Variants in SMC2 observed in about 807,000 individuals in gnomAD.
The protein encoded by SMC2 is structural maintenance of chromosomes 2.
Under a neutral mutation model 142.6 loss-of-function variants are expected in SMC2, and 41 were observed. The observed-to-expected ratio is 0.29, with a 90% CI of 0.22 to 0.37. SMC2 has a LOEUF of 0.37. Ranked by LOEUF, SMC2 falls within the 10% of genes least tolerant of loss-of-function variation. The probability of loss-of-function intolerance (pLI) is 1.00; values close to 1 mark genes in which losing one functional copy is unlikely to be tolerated. For synonymous variants in SMC2, 463 were observed against 457.5 expected, an observed-to-expected ratio of 1.01 and a Z score of -0.15; for missense variants, 1,265 against 1,373.7, an observed-to-expected ratio of 0.92 and a Z score of 1.25.
chr9:104,133,304 C>A (rs1378526486), intron 22 of SMC2, among the ~76,000 whole-genome samples: 1 of 152,118 alleles, frequency 6.6e-6, no homozygotes, highest in East Asian at 1.9e-4. Context: ...AGTTTAGTAG[C>A]ATTCCTCTCT....
At position 104,113,495 on chromosome 9, in the gene SMC2, A is replaced by G; in HGVS notation, c.1414+20A>G. ...ATGAAGGTTTGCCTTTAAAAACATG[A>G]TAATCAGATCATGAGGAGGTAGTGA... On this transcript the variant is annotated intron_variant, in intron 11 of 24. Coordinates refer to ENST00000374793, the MANE Select transcript of SMC2 (RefSeq NM_006444.3). The G allele has an allele frequency of 1.3e-6, 2 of 1,575,432 alleles. No homozygotes were observed. Among genetic ancestry groups the G allele is most frequent in the South Asian group, 2.4e-5 (2 of 83,816 alleles).
Position 104,114,681 on chromosome 9 carries a change from T to C in SMC2, c.1533-10T>C. 1 of 1,605,558 alleles carries C rather than the reference T, an allele frequency of 6.2e-7. No homozygotes were observed. The highest frequency in any genetic ancestry group is 1.3e-5 in the African/African-American group (1 of 74,202). ...TCTAAGATTAATTTTTGTCAACTTT[T>C]GTATTTCAGGGATCCAGAGAAGAAC... On this transcript the variant is annotated splice_polypyrimidine_tract_variant and intron_variant, in intron 12 of 24. Transcript: ENST00000374793.
Position 104,138,042 on chromosome 9 carries a change from A to G in SMC2, c.3294A>G (p.Ile1098Met). The G allele has an allele frequency of 6.2e-7, 1 of 1,602,750 alleles. No homozygotes were observed. Among genetic ancestry groups the G allele is most frequent in the Non-Finnish European group, 8.5e-7 (1 of 1,173,012 alleles). ...GGTCTTTAGTGGCCTTGTCATTAAT[A>G]CTGTCCATGCTTCTCTTCAAACCTG... ...GQRSLVALSL[I>M]LSMLLFKPAP... Residue 1098 changes from isoleucine to methionine, a missense_variant, in exon 24 of 25, where the codon ATA becomes ATG. Coordinates refer to ENST00000374793, the MANE Select transcript of SMC2 (RefSeq NM_006444.3).
intron 23 of SMC2, among the ~76,000 whole-genome samples, chr9:104,136,646 G>A (rs1263830666): frequency 6.6e-6 from 1 of 151,498 alleles, no homozygotes; most frequent in Non-Finnish European, 1.5e-5. Flanking sequence ...ACTCATCACA[G>A]AGAAAGACAA....
rs761107909 is a variant in SMC2, at chr9:104,102,442, C to T, written c.889C>T (p.Arg297Ter). ...GTTATAGGAAACTGGAGGTATACTT[C>T]GATCTTTAGAAGATGCTCTTGCAGA... ...RKDKETGGIL[R>*]SLEDALAEAQ... The change falls in exon 9 of 25, where the codon CGA (arginine) becomes TGA (stop). Residue 297 changes from arginine (R) to a stop codon, truncating the protein, a stop_gained. Transcript: ENST00000374793. LOFTEE classifies it high-confidence loss of function. 4 of 1,608,144 alleles carry T rather than the reference C, an allele frequency of 2.5e-6. No homozygotes were observed. Among genetic ancestry groups the T allele is most frequent in the Admixed American group, 1.7e-5 (1 of 58,600 alleles).
the SMC2 span, among the ~76,000 whole-genome samples, chr9:104,089,030 T>G: frequency 6.6e-6 from 1 of 151,226 alleles, no homozygotes; most frequent in African/African-American, 2.4e-5. Context: ...AGCAGATGAA[T>G]CTGAGAAAGT....
chr9:104,101,814 TAA>T (rs1300743863), intron 7 of SMC2, 144 bp from the exon 8 acceptor site: 6 of 557,514 alleles, frequency 1.1e-5, no homozygotes, highest in Non-Finnish European at 1.9e-5. Context: ...TGATGTTACG[TAA>T]AGTTTCCTAC....
At position 104,134,533 on chromosome 9, in the gene SMC2, A is replaced by G. The variant is rs1407668934; in HGVS notation, c.3227A>G (p.Asn1076Ser). 13 of 1,611,084 alleles carry G rather than the reference A, an allele frequency of 8.1e-6. No homozygotes were observed. Among genetic ancestry groups the G allele is most frequent in the Middle Eastern group, 1.6e-4 (1 of 6,064 alleles). Residue 1076 changes from asparagine (N) to serine (S), a missense_variant, in exon 23 of 25, where the codon AAT becomes AGT. Transcript: ENST00000374793. ...CTGGAGTTCAAGGTTGCCTTGGGAA[A>G]TACCTGGAAAGAAAACCTAACTGAA... Reference protein sequence around the residue: ...DGLEFKVALGNTWKENLTELS... With the variant: ...DGLEFKVALGSTWKENLTELS...
intron 9 of SMC2, among the ~76,000 whole-genome samples, chr9:104,105,379 A>T (rs985318078): frequency 1.3e-5 from 2 of 151,930 alleles, no homozygotes; most frequent in Non-Finnish European, 2.9e-5. Flanking sequence ...GGTCACTCCT[A>T]CGCTGCCCAT....
chr9:104,135,716 A>G (rs1036627739), intron 23 of SMC2, among the ~76,000 whole-genome samples: 3 of 152,238 alleles, frequency 2.0e-5, no homozygotes, highest in African/African-American at 7.2e-5. Flanking sequence ...GTGCTAGTGA[A>G]CAAAAATAAA....
Position 104,116,320 on chromosome 9 carries a change from G to T in SMC2, c.1791+1G>T. ...AACTCTGAGAGTTGCTCAGAATCTT[G>T]TAAGTCTCATTTTGTCTTATTTATA... is the stretch of plus-strand genomic sequence containing the variant. On this transcript the variant is annotated splice_donor_variant, in intron 14 of 24. Transcript: ENST00000374793. LOFTEE classifies it high-confidence loss of function. The T allele has an allele frequency of 6.2e-7, 1 of 1,600,686 alleles. No homozygotes were observed. The highest frequency in any genetic ancestry group is 8.5e-7 in the Non-Finnish European group (1 of 1,175,588).
chr9:104,088,480 G>A, the SMC2 span, among the ~76,000 whole-genome samples: 1 of 152,078 alleles, frequency 6.6e-6, no homozygotes. Context: ...CTCGAGAAAT[G>A]GATCAGATTT....
chr9:104,132,194 A>C (rs1835054164), intron 22 of SMC2, 69 bp downstream of exon 22: 2 of 808,100 alleles, frequency 2.5e-6, no homozygotes, highest in Non-Finnish European at 4.1e-6. Flanking sequence ...GTTATACTCT[A>C]TAAGAAATTT....
chr9:104,118,298 C>G lies in SMC2; in HGVS notation c.1919C>G (p.Ala640Gly). Reference sequence around the variant, plus strand: ...AATATGGATAATGCCAAAAAAGTGGCCTTTGATAAGAGGATAATGACTAGA... The same window carrying G: ...AATATGGATAATGCCAAAAAAGTGGGCTTTGATAAGAGGATAATGACTAGA... ...CDNMDNAKKV[A>G]FDKRIMTRTV... The change falls in exon 15 of 25, where the codon GCC becomes GGC. Residue 640 changes from alanine to glycine, a missense_variant. Ala to Gly is a moderately conservative substitution (Grantham distance 60). Coordinates refer to ENST00000374793, the MANE Select transcript of SMC2 (RefSeq NM_006444.3). The G allele has an allele frequency of 6.2e-7, 1 of 1,612,700 alleles. No individual in the cohort carries two copies. The highest frequency in any genetic ancestry group is 1.3e-5 in the African/African-American group (1 of 74,704).
chr9:104,135,778 T>C, intron 23 of SMC2: 1 of 511,460 alleles, frequency 2.0e-6, no homozygotes, highest in East Asian at 5.5e-5. Context: ...GTCTGGAACA[T>C]CCGTAAAGTG....
In SMC2 at chr9:104,116,208, TA is replaced by T; in HGVS notation, c.1685del (p.Lys562SerfsTer3). 1 of 1,593,610 alleles carries T rather than the reference TA, an allele frequency of 6.3e-7. No individual in the cohort carries two copies. The highest frequency in any genetic ancestry group is 1.4e-5 in the African/African-American group (1 of 73,566). ...TCAAATGTGTGTTGTAGGTTACTGG[TA>T]AAAAGCTACTAGAAAGGGGGGAACT... ...NVVVDTEVTG[K>X]KLLERGELKR... is the part of the protein sequence containing the mutation. On this transcript the variant is annotated frameshift_variant, in exon 14 of 25. Transcript: ENST00000374793. LOFTEE classifies it high-confidence loss of function.
At chr9:104,088,911 C>T in the SMC2 span, among the ~76,000 whole-genome samples, 1 of 151,650 alleles carries the variant, frequency 6.6e-6, no homozygotes, top group African/African-American at 2.4e-5. Context: ...TCCACTGATA[C>T]ATCTATCCAC....
At chr9:104,113,902 C>A in intron 11 of SMC2, 62 bp from the exon 12 acceptor site, 2 of 995,792 alleles carry the variant, frequency 2.0e-6, no homozygotes, top group Non-Finnish European at 2.9e-6. Flanking sequence ...CTAATATTTT[C>A]CTTAAAACAG....
At position 104,127,482 on chromosome 9, in the gene SMC2, T is replaced by G; in HGVS notation, c.2790+2T>G. The stretch of plus-strand genomic sequence containing the variant: ...GAGGCTGAAGATGGTGCTGCAAAGG[T>G]ATACGTTTGTGTGCATTTTTTATAC... On this transcript the variant is annotated splice_donor_variant, in intron 20 of 24. Transcript: ENST00000374793. LOFTEE classifies it high-confidence loss of function. 1 of 1,548,992 alleles carries G rather than the reference T, an allele frequency of 6.5e-7. No individual in the cohort carries two copies. The highest frequency in any genetic ancestry group is 8.7e-7 in the Non-Finnish European group (1 of 1,146,906).
Sources: gnomAD v4.1 joint callset for allele counts (sites outside exome capture counted in the v4.1 genomes callset) on GRCh38, gnomAD v4.1.1 for gene constraint, MANE v1.5 for transcripts, NCBI Gene and HGNC (gene_info 2026-07-23, HGNC 2026-07-21) for gene names.